Variants in EPB41L4A observed in about 807,000 individuals in gnomAD.
EPB41L4A encodes the protein band 4.1-like protein 4A.
EPB41L4A carries 100 observed loss-of-function variants against 108.6 expected under a neutral mutation model. The observed-to-expected ratio is 0.92, with a 90% CI of 0.78 to 1.09. The LOEUF is 1.09. Among genes scored for constraint, EPB41L4A ranks in the 50% least tolerant of loss-of-function variants. The probability of loss-of-function intolerance (pLI) is 0.00; values close to 1 mark genes in which losing one functional copy is unlikely to be tolerated. For missense variants in EPB41L4A, 1,030 were observed against 842.7 expected (o/e 1.22, Z -2.75); for synonymous variants, 319 against 289.0 (o/e 1.10, Z -1.05).
At chr5:112,388,600 G>C (rs1760722202) in intron 1 of EPB41L4A, among the ~76,000 whole-genome samples, 1 of 152,184 alleles carries the variant, frequency 6.6e-6, no homozygotes, top group South Asian at 2.1e-4. Flanking sequence ...GACAGCCTGT[G>C]TATGAAAAAC....
At chr5:112,331,216 G>C (rs1311592897) in intron 1 of EPB41L4A, among the ~76,000 whole-genome samples, 5 of 152,176 alleles carry the variant, frequency 3.3e-5, no homozygotes, top group East Asian at 1.9e-4. Context: ...CTTCCTCACA[G>C]GTTTGTTGTG....
Position 112,288,066 on chromosome 5 carries a change from T to C in EPB41L4A, c.205-7743A>G, listed in dbSNP as rs905265093. 6.6e-5 allele frequency among the ~76,000 whole-genome samples: 10 copies of C among 152,346 alleles called. No individual in the cohort carries two copies. In the East Asian group the frequency reaches 1.2e-3, roughly 18 times the overall value. Reference sequence around the variant, plus strand: ...TAAGAAATGGCTTCTGGGCAAAGAATGAATCCAGCATGCTGTCAGGTAAAC... The same window carrying C: ...TAAGAAATGGCTTCTGGGCAAAGAACGAATCCAGCATGCTGTCAGGTAAAC... On this transcript the variant is annotated intron_variant, in intron 2 of 22. Coordinates refer to ENST00000261486, the MANE Select transcript of EPB41L4A (RefSeq NM_022140.5).
At chr5:112,388,914 G>T (rs915970657) in intron 1 of EPB41L4A, among the ~76,000 whole-genome samples, 11 of 152,138 alleles carry the variant, frequency 7.2e-5, no homozygotes, top group African/African-American at 2.7e-4. Context: ...CTCCCCTTTA[G>T]CCCCCTGCTA....
intron 1 of EPB41L4A, among the ~76,000 whole-genome samples, chr5:112,319,757 T>C (rs1755651197): frequency 1.3e-5 from 2 of 152,112 alleles, no homozygotes; most frequent in African/African-American, 2.4e-5. Context: ...TAATTCTAGA[T>C]TGGATTATTT....
chr5:112,408,698 A>AAAAAAAAAAAAAAAAAAC (rs1762234880), intron 1 of EPB41L4A, among the ~76,000 whole-genome samples: 1 of 119,764 alleles, frequency 8.3e-6, no homozygotes, highest in Non-Finnish European at 1.8e-5. Flanking sequence ...AAAAAAAAAA[A>AAAAAAAAAAAAAAAAAAC]AAAAAAAAAA....
At chr5:112,260,513 C>T (rs1262863483) in intron 7 of EPB41L4A, among the ~76,000 whole-genome samples, 3 of 152,208 alleles carry the variant, frequency 2.0e-5, no homozygotes, top group Admixed American at 1.3e-4. Context: ...AAACCCACTG[C>T]ATCCCCACCC....
intron 1 of EPB41L4A, among the ~76,000 whole-genome samples, chr5:112,374,420 C>T (rs572683786): frequency 5.9e-5 from 9 of 152,244 alleles, no homozygotes; most frequent in South Asian, 2.1e-4. Flanking sequence ...GGAATAAATA[C>T]GTTGACAGTT....
chr5:112,193,326 A>T (rs1761799282), intron 17 of EPB41L4A, among the ~76,000 whole-genome samples: 1 of 151,938 alleles, frequency 6.6e-6, no homozygotes, highest in Non-Finnish European at 1.5e-5. Flanking sequence ...ATATGAGATG[A>T]AGTTTCTCTC....
chr5:112,419,688 C>T (rs762189949), upstream of EPB41L4A: 2 of 456,534 alleles, frequency 4.4e-6, no homozygotes, highest in Non-Finnish European at 8.8e-6. Context: ...TCGCTCCGTC[C>T]GCTACCCCGT....
chr5:112,364,559 T>C (rs1438823503), intron 1 of EPB41L4A, among the ~76,000 whole-genome samples: 1 of 152,162 alleles, frequency 6.6e-6, no homozygotes, highest in Non-Finnish European at 1.5e-5. Context: ...AGAAACTCAG[T>C]GGGGCAAGGG....
intron 1 of EPB41L4A, among the ~76,000 whole-genome samples, chr5:112,321,634 C>A (rs1035571706): frequency 6.6e-6 from 1 of 152,138 alleles, no homozygotes; most frequent in Non-Finnish European, 1.5e-5. Context: ...ATTTGGGGAG[C>A]ATTTCTGCCC....
At chr5:112,352,750 G>A (rs1758125661) in intron 1 of EPB41L4A, among the ~76,000 whole-genome samples, 1 of 152,126 alleles carries the variant, frequency 6.6e-6, no homozygotes, top group Non-Finnish European at 1.5e-5. Flanking sequence ...CCTTTGTATT[G>A]TTGATGTGTG....
intron 1 of EPB41L4A, among the ~76,000 whole-genome samples, chr5:112,406,169 A>G (rs984320795): frequency 2.0e-5 from 3 of 152,244 alleles, no homozygotes; most frequent in Non-Finnish European, 4.4e-5. Flanking sequence ...TGTAAACAGC[A>G]GCAGAAGCAC....
At chr5:112,143,503 A>T (rs2112778591) in exon 14 of EPB41L4A, 1 of 154,456 alleles carries the variant, frequency 6.5e-6, no homozygotes, top group East Asian at 1.9e-4. Context: ...ATACAAATCA[A>T]CTTAAATTTT....
downstream of EPB41L4A, chr5:112,161,033 C>T (rs1010561864): frequency 1.3e-5 from 2 of 158,304 alleles, no homozygotes; most frequent in Non-Finnish European, 1.4e-5. Context: ...TGTCCGGGGC[C>T]GTGAACAAGG....
intron 1 of EPB41L4A, among the ~76,000 whole-genome samples, chr5:112,371,280 C>A (rs1759478617): frequency 6.6e-6 from 1 of 152,152 alleles, no homozygotes. Flanking sequence ...TTTACAAATA[C>A]AAAAGATGTG....
At chr5:112,141,845 T>A (rs1004803890), downstream of EPB41L4A, among the ~76,000 whole-genome samples, 4 of 152,314 alleles carry the variant, frequency 2.6e-5, no homozygotes, top group East Asian at 1.9e-4. Context: ...ACCCTCCTGA[T>A]CTTGCTTTCT....
At chr5:112,299,811 T>C (rs1580637330) in intron 2 of EPB41L4A, among the ~76,000 whole-genome samples, 1 of 152,220 alleles carries the variant, frequency 6.6e-6, no homozygotes, top group Admixed American at 6.5e-5. Context: ...TTAAGTCTAG[T>C]AGTAATTGTT....
intron 1 of EPB41L4A, among the ~76,000 whole-genome samples, chr5:112,341,097 T>C (rs961435942): frequency 6.6e-6 from 1 of 152,210 alleles, no homozygotes; most frequent in African/African-American, 2.4e-5. Flanking sequence ...TTGTTTTTCT[T>C]TACGTTTATT....
Sources: gnomAD v4.1 joint callset for allele counts (sites outside exome capture counted in the v4.1 genomes callset) on GRCh38, gnomAD v4.1.1 for gene constraint, MANE v1.5 for transcripts, NCBI Gene and HGNC (gene_info 2026-07-23, HGNC 2026-07-21) for gene names.